The following ATP12A variants were observed in gnomAD, a reference collection of about 807,000 sequenced individuals.
The protein encoded by ATP12A is ATPase H+/K+ transporting non-gastric alpha2 subunit.
ATP12A carries 81 observed loss-of-function variants against 111.2 expected under a neutral mutation model. The observed-to-expected ratio is 0.73, with a 90% CI of 0.61 to 0.88. The LOEUF is 0.88. Ranked by LOEUF, ATP12A falls within the 40% of genes least tolerant of loss-of-function variation. ATP12A has a pLI of 0.00. For synonymous variants in ATP12A, 498 were observed against 499.8 expected, an observed-to-expected ratio of 1.00 and a Z score of 0.05; for missense variants, 1,196 against 1,313.1, an observed-to-expected ratio of 0.91 and a Z score of 1.38.
chr13:24,685,270 T>G lies in ATP12A; in HGVS notation c.169-44T>G. The G allele has an allele frequency of 6.3e-7, 1 of 1,588,998 alleles. No individual in the cohort carries two copies. The highest frequency in any genetic ancestry group is 8.6e-7 in the Non-Finnish European group (1 of 1,157,270). Reference sequence around the variant, plus strand: ...GTCAAAGCTTGGGGCTTGAGTCTTTTGGAATTATCTAATTCACTCTGTTCT... The same window carrying G: ...GTCAAAGCTTGGGGCTTGAGTCTTTGGGAATTATCTAATTCACTCTGTTCT... On this transcript the variant is annotated intron_variant, in intron 2 of 22. Coordinates refer to ENST00000381946, the MANE Select transcript of ATP12A (RefSeq NM_001676.7). This position sits in a 1 kb window ranked among gnomAD's most constrained non-coding sequence, Gnocchi z 5.5.
chr13:24,681,984 T>TG (rs1484550391), intron 2 of ATP12A, among the ~76,000 whole-genome samples: 2 of 122,038 alleles, frequency 1.6e-5, no homozygotes, highest in Admixed American at 8.1e-5. Context: ...GTGTGTGGTG[T>TG]GTGTGTATGG....
At chr13:24,700,611 G>A in intron 12 of ATP12A, 136 bp from the exon 13 acceptor site, 1 of 737,164 alleles carries the variant, frequency 1.4e-6, no homozygotes, top group Non-Finnish European at 2.1e-6. Flanking sequence ...TGGAGTTGAA[G>A]AAATTAAACA....
Position 24,690,396 on chromosome 13 carries a change from T to G in ATP12A, c.605T>G (p.Val202Gly). The G allele has an allele frequency of 2.5e-6, 4 of 1,611,760 alleles. No individual in the cohort carries two copies. Among genetic ancestry groups the G allele is most frequent in the Non-Finnish European group, 3.4e-6 (4 of 1,179,576 alleles). The change falls in exon 6 of 23, where the codon GTG becomes GGG. Residue 202 changes from valine (V) to glycine (G), a missense_variant. Physicochemically the swap from Val to Gly is moderately radical, Grantham distance 109 (BLOSUM62 -3). Coordinates refer to ENST00000381946, the MANE Select transcript of ATP12A (RefSeq NM_001676.7). ...KKTIPSEQLV[V>G]GDIVEVKGGD... ...ACCATCCCTTCAGAGCAGCTGGTGG[T>G]GGGGGACATTGTGGAGGTCAAAGGA... is the stretch of plus-strand genomic sequence containing the variant.
chr13:24,694,993 C>A (rs1046801297), intron 11 of ATP12A, among the ~76,000 whole-genome samples: 4 of 152,214 alleles, frequency 2.6e-5, no homozygotes, highest in Non-Finnish European at 4.4e-5. Flanking sequence ...CTCCTCTCAC[C>A]TCTAGTGCAT....
intron 8 of ATP12A, among the ~76,000 whole-genome samples, chr13:24,691,724 T>C (rs546018608): frequency 5.3e-4 from 81 of 152,202 alleles, no homozygotes; most frequent in African/African-American, 1.4e-3. Flanking sequence ...TATGGGCCCA[T>C]GTCATTCAGT....
intron 21 of ATP12A, 117 bp downstream of exon 21, chr13:24,711,010 ACTGAT>A: frequency 8.5e-6 from 8 of 940,974 alleles, no homozygotes; most frequent in Non-Finnish European, 1.3e-5. Context: ...AAGACGTCAA[ACTGAT>A]CCCATGCTCT....
Position 24,707,285 on chromosome 13 carries a change from T to G in ATP12A, c.2345T>G (p.Leu782Arg), listed in dbSNP as rs1875710006. ...GAGAAACCTCTCTGCCTAGGTCGCC[T>G]GATCTTTGACAACCTCAAGAAGACT... ...SIVTGVEEGR[L>R]IFDNLKKTIA... is the part of the protein sequence containing the mutation. Residue 782 changes from leucine to arginine, a missense_variant, in exon 17 of 23, where the codon CTG becomes CGG. Physicochemically the swap from Leu to Arg is moderately radical, Grantham distance 102. Coordinates refer to ENST00000381946, the MANE Select transcript of ATP12A (RefSeq NM_001676.7). The G allele has an allele frequency of 6.2e-7, 1 of 1,614,104 alleles. No homozygotes were observed. Among genetic ancestry groups the G allele is most frequent in the Admixed American group, 1.7e-5 (1 of 60,012 alleles).
In ATP12A at chr13:24,683,862, A is replaced by G. The variant is rs554348350; in HGVS notation, c.169-1452A>G. On this transcript the variant is annotated intron_variant, in intron 2 of 22. Coordinates refer to ENST00000381946, the MANE Select transcript of ATP12A (RefSeq NM_001676.7). ...ACATATCTGTTTTTCCCTTGACATT[A>G]CAAGGGTCCTGTAATTTTCAGCAGC... Among the ~76,000 whole-genome samples the G allele has an allele frequency of 3.1e-3, 472 of 152,288 alleles. 6 individuals carry two copies. The highest frequency in any genetic ancestry group is 8.5e-3 in the African/African-American group (353 of 41,558).
rs774389452 is a variant in ATP12A at position 24,707,368 on chromosome 13, A to G, written c.2428A>G (p.Ile810Val). 2 of 1,614,044 alleles carry G rather than the reference A, an allele frequency of 1.2e-6. No homozygotes were observed. Among genetic ancestry groups the G allele is most frequent in the East Asian group, 4.5e-5 (2 of 44,878 alleles). ...GCTGTGCCCCTTTCTGATCTACATC[A>G]TTGTCGGGCTCCCCCTGCCCATTGG... ...AELCPFLIYI[I>V]VGLPLPIGTI... Residue 810 changes from isoleucine (I) to valine (V), a missense_variant, in exon 17 of 23, where the codon ATT becomes GTT. By Grantham distance (29) the Ile-to-Val change is conservative. Coordinates refer to ENST00000381946, the MANE Select transcript of ATP12A (RefSeq NM_001676.7).
chr13:24,696,709 A>C, intron 11 of ATP12A, among the ~76,000 whole-genome samples: 1 of 49,476 alleles, frequency 2.0e-5, no homozygotes, highest in Admixed American at 4.7e-4. Flanking sequence ...ACAGAGCGAG[A>C]CTCCGTCTCA....
chr13:24,684,399 T>A (rs1433336279), intron 2 of ATP12A, among the ~76,000 whole-genome samples: 1 of 152,242 alleles, frequency 6.6e-6, no homozygotes, highest in East Asian at 1.9e-4. Flanking sequence ...AGAAAAGAGA[T>A]GATGTGAGCA....
chr13:24,687,838 CT>C (rs1409632305), intron 3 of ATP12A, among the ~76,000 whole-genome samples: 1 of 152,326 alleles, frequency 6.6e-6, no homozygotes, highest in South Asian at 2.1e-4. Context: ...TGAGCAGCTT[CT>C]TCATTCCAAG....
chr13:24,697,635 G>A lies in ATP12A; in HGVS notation c.1513-1023G>A, dbSNP rs559832625. ...AGCCTGGGGCACAGAGTGGGACCCC[G>A]TCTCAAAAAAAAAAAAAAAAAAATT... On this transcript the variant is annotated intron_variant, in intron 11 of 22. Transcript: ENST00000381946. Among the ~76,000 whole-genome samples, 41 of 92,252 alleles carry A rather than the reference G, an allele frequency of 4.4e-4. No individual in the cohort carries two copies. In the East Asian group the frequency reaches 0.013, roughly 29 times the overall value. The allele number at this position is 92,252 out of a possible 152,430, so 60.5% of individuals were successfully genotyped here.
intron 14 of ATP12A, 34 bp from the exon 15 acceptor site, chr13:24,706,279 T>C (rs1222113970): frequency 1.9e-6 from 3 of 1,608,660 alleles, no homozygotes; most frequent in Non-Finnish European, 2.5e-6. Context: ...AGATCTGCCC[T>C]TGGGCCTCAC....
chr13:24,681,796 T>G lies in ATP12A; in HGVS notation c.168+76T>G. The G allele has an allele frequency of 2.6e-6, 4 of 1,549,740 alleles. No homozygotes were observed. The South Asian group carries it at 4.6e-5, about 18-fold the overall frequency. ...AGAGCTTGCCCCTAGAACCCACCTC[T>G]TACCACAGACATTCAGTCTGAGGGA... On this transcript the variant is annotated intron_variant, in intron 2 of 22. Coordinates refer to ENST00000381946, the MANE Select transcript of ATP12A (RefSeq NM_001676.7).
At chr13:24,708,946 A>AAAG (rs1875817532) in intron 17 of ATP12A, among the ~76,000 whole-genome samples, 1 of 100,234 alleles carries the variant, frequency 1.0e-5, no homozygotes, top group South Asian at 2.7e-4. Flanking sequence ...AGAAAGAAAG[A>AAAG]AAGAAAGAAA....
intron 8 of ATP12A, among the ~76,000 whole-genome samples, chr13:24,691,940 C>A (rs1243525704): frequency 1.3e-5 from 2 of 152,124 alleles, no homozygotes; most frequent in Admixed American, 1.3e-4. Flanking sequence ...GCCAAAAGAA[C>A]CCTTTGAGAT....
intron 17 of ATP12A, among the ~76,000 whole-genome samples, chr13:24,708,896 GAAAGGAAA>G (rs1351851086): frequency 8.5e-6 from 1 of 118,218 alleles, no homozygotes; most frequent in Non-Finnish European, 1.8e-5. Flanking sequence ...GAGAAAGAAA[GAAAGGAAA>G]GAAAGAAAGA....
At position 24,708,967 on chromosome 13, in the gene ATP12A, A is replaced by AAGAAAGAAAGAAAGAG. The variant is rs1566078424; in HGVS notation, c.2494-394_2494-393insAAGAAAGAAAGAGAGA. On this transcript the variant is annotated intron_variant, in intron 17 of 22. Coordinates refer to ENST00000381946, the MANE Select transcript of ATP12A (RefSeq NM_001676.7). ...AAAGAAAGAAAGAAAGAAAGAAGGAAAGAGAAAGAGAAATGAATGCAAATT... is the reference window on the plus strand; with the variant it reads ...AAAGAAAGAAAGAAAGAAAGAAGGAAAGAAAGAAAGAAAGAGAGAGAAAGAGAAATGAATGCAAATT... 1.8e-4 allele frequency among the ~76,000 whole-genome samples: 27 copies of AAGAAAGAAAGAAAGAG among 149,988 alleles called. 1 individual carries two copies. The highest frequency in any genetic ancestry group is 6.4e-4 in the African/African-American group (26 of 40,680).
Sources: allele counts gnomAD v4.1 joint callset (sites outside exome capture counted in the v4.1 genomes callset), GRCh38; gene constraint gnomAD v4.1.1; non-coding constraint Gnocchi (gnomAD v3.1); transcripts MANE v1.5; gene names NCBI Gene and HGNC (gene_info 2026-07-23, HGNC 2026-07-21).